Variants in PTER observed in about 807,000 individuals in gnomAD.
PTER encodes N-acetyltaurine hydrolase.
A neutral mutation model predicts 29.6 loss-of-function variants in PTER; 38 were observed. The ratio of observed to expected loss-of-function variants is 1.28; its 90% CI spans 0.99 to 1.68. The LOEUF (loss-of-function observed/expected upper bound fraction) is 1.68. PTER is among the 40% of genes most tolerant of loss of function. PTER has a pLI of 0.00. For synonymous variants in PTER, 172 were observed against 154.5 expected (o/e 1.11, Z -0.84); for missense variants, 482 against 427.8 (o/e 1.13, Z -1.12).
chr10:16,490,366 T>A (rs1835854337), intron 3 of PTER, among the ~76,000 whole-genome samples: 1 of 152,094 alleles, frequency 6.6e-6, no homozygotes, highest in East Asian at 1.9e-4. Flanking sequence ...AAACTGTATA[T>A]GGGGCAAGTT....
chr10:16,503,721 G>A (rs546637390), intron 3 of PTER, among the ~76,000 whole-genome samples: 1 of 152,064 alleles, frequency 6.6e-6, no homozygotes. Context: ...TGTATTTTTA[G>A]TAGAGACGTG....
intron 3 of PTER, among the ~76,000 whole-genome samples, chr10:16,495,406 G>A (rs558318479): frequency 6.6e-6 from 1 of 152,318 alleles, no homozygotes; most frequent in South Asian, 2.1e-4. Context: ...TCGACCTCAA[G>A]TGATCCACCC....
At chr10:16,500,639 A>AGG (rs757918922) in intron 3 of PTER, among the ~76,000 whole-genome samples, 48 of 152,190 alleles carry the variant, frequency 3.2e-4, no homozygotes, top group Non-Finnish European at 6.0e-4. Flanking sequence ...GCTTATTGTG[A>AGG]GATTCTTCAG....
chr10:16,498,929 G>C (rs1375534062), intron 3 of PTER, among the ~76,000 whole-genome samples: 6 of 152,304 alleles, frequency 3.9e-5, no homozygotes, highest in South Asian at 4.2e-4. Flanking sequence ...GGCGCAAGGT[G>C]CTTGTTCCTA....
At chr10:16,467,763 T>C (rs1834893359) in intron 1 of PTER, among the ~76,000 whole-genome samples, 1 of 151,464 alleles carries the variant, frequency 6.6e-6, no homozygotes, top group Admixed American at 6.6e-5. Flanking sequence ...AGTGTGCAAT[T>C]GCACTCCAGC....
intron 2 of PTER, 33 bp downstream of exon 2, chr10:16,484,849 TCATAAATTCAGAA>T: frequency 6.5e-7 from 1 of 1,545,484 alleles, no homozygotes; most frequent in Non-Finnish European, 8.7e-7. Context: ...CAGTATTTGT[TCATAAATTCAGAA>T]CAGCCAGAAC....
At chr10:16,463,337 T>C (rs760953134) in intron 1 of PTER, among the ~76,000 whole-genome samples, 12 of 152,112 alleles carry the variant, frequency 7.9e-5, no homozygotes, top group Admixed American at 3.9e-4. Context: ...TGATAAATGT[T>C]AATTGGGATT....
chr10:16,475,350 T>C (rs1198390831), intron 1 of PTER, among the ~76,000 whole-genome samples: 3 of 152,172 alleles, frequency 2.0e-5, no homozygotes, highest in Non-Finnish European at 4.4e-5. Context: ...ACTTATCTGC[T>C]ACCTTCACAG....
intron 1 of PTER, among the ~76,000 whole-genome samples, chr10:16,459,261 A>G (rs957735109): frequency 1.3e-5 from 2 of 152,198 alleles, no homozygotes; most frequent in African/African-American, 4.8e-5. Flanking sequence ...GGTCAGCTGA[A>G]GCTGGACGAT....
intron 1 of PTER, among the ~76,000 whole-genome samples, chr10:16,454,336 A>T (rs1340626197): frequency 6.6e-6 from 1 of 152,096 alleles, no homozygotes; most frequent in Non-Finnish European, 1.5e-5. Flanking sequence ...ACACTTTGGG[A>T]GGCTGAGGTG....
At chr10:16,493,185 T>A (rs971391871) in intron 3 of PTER, among the ~76,000 whole-genome samples, 2 of 152,200 alleles carry the variant, frequency 1.3e-5, no homozygotes, top group Non-Finnish European at 2.9e-5. Flanking sequence ...AAAAAATAAT[T>A]ATTTGGTTTC....
At chr10:16,450,466 T>A (rs1026752202) in intron 1 of PTER, among the ~76,000 whole-genome samples, 1 of 152,164 alleles carries the variant, frequency 6.6e-6, no homozygotes, top group Non-Finnish European at 1.5e-5. Flanking sequence ...AAGCTCGGTG[T>A]CCCCAGTTTC....
At chr10:16,455,227 T>C (rs1834353504) in intron 1 of PTER, among the ~76,000 whole-genome samples, 1 of 151,292 alleles carries the variant, frequency 6.6e-6, no homozygotes, top group South Asian at 2.1e-4. Flanking sequence ...AGACCCTGTC[T>C]CAAAACAAAA....
Position 16,470,963 on chromosome 10 carries a change from C to G in PTER, c.-48-13374C>G, listed in dbSNP as rs1381855229. Among the ~76,000 whole-genome samples, 2 of 152,258 alleles carry G rather than the reference C, an allele frequency of 1.3e-5. 1 individual carries two copies. The highest frequency in any genetic ancestry group is 3.9e-4 in the East Asian group (2 of 5,190). Reference sequence around the variant, plus strand: ...CACAACACCCCCGCCTCCATTTCCGCTGCTAACCCCTCATATGAGTGTGTT... The same window carrying G: ...CACAACACCCCCGCCTCCATTTCCGGTGCTAACCCCTCATATGAGTGTGTT... On this transcript the variant is annotated intron_variant, in intron 1 of 4. Coordinates refer to ENST00000535784, the MANE Select transcript of PTER (RefSeq NM_001261836.2).
rs562207405 is a variant in PTER at position 16,511,378 on chromosome 10, T to C, written c.*122T>C. ...CTAATGACAGATCATTTCCTTCTGA[T>C]GAGAACTAGGAGGGTTTGCCTTCTC... On this transcript the variant is annotated 3_prime_UTR_variant, in exon 5 of 5. Transcript: ENST00000535784. 29 of 930,456 alleles carry C rather than the reference T, an allele frequency of 3.1e-5. No homozygotes were observed. In the African/African-American group the frequency reaches 4.7e-4, roughly 15 times the overall value. The allele number at this position is 930,456 out of a possible 1,614,324, so 57.6% of individuals were successfully genotyped here.
chr10:16,438,296 G>A (rs1245779218), intron 1 of PTER, among the ~76,000 whole-genome samples: 2 of 151,480 alleles, frequency 1.3e-5, no homozygotes, highest in Non-Finnish European at 2.9e-5. Flanking sequence ...AAGCCACCGC[G>A]CCCGGCCTCT....
chr10:16,471,652 CTCATTTTTTTCT>C (rs1369913263), intron 1 of PTER, among the ~76,000 whole-genome samples: 1 of 151,842 alleles, frequency 6.6e-6, no homozygotes, highest in African/African-American at 2.4e-5. Context: ...CTTTATTTTC[CTCATTTTTTTCT>C]TCACATCAAA....
At chr10:16,505,193 T>C in intron 4 of PTER, 33 bp downstream of exon 4, 1 of 1,609,490 alleles carries the variant, frequency 6.2e-7, no homozygotes, top group East Asian at 2.2e-5. Flanking sequence ...TAGCATTCCC[T>C]TTCCCTAGCC....
intron 3 of PTER, among the ~76,000 whole-genome samples, chr10:16,489,590 A>G (rs1424714022): frequency 1.3e-5 from 2 of 151,554 alleles, no homozygotes; most frequent in African/African-American, 4.8e-5. Context: ...TCTGGTAGGC[A>G]GTTGTGGCAC....
Sources: allele counts gnomAD v4.1 joint callset (sites outside exome capture counted in the v4.1 genomes callset), GRCh38; gene constraint gnomAD v4.1.1; transcripts MANE v1.5; gene names NCBI Gene and HGNC (gene_info 2026-07-23, HGNC 2026-07-21).